BMP1: variants seen among roughly 807,000 people sequenced by gnomAD.
BMP1 encodes the protein mammalian tolloid protein.
Under a neutral mutation model 116.8 loss-of-function variants are expected in BMP1, and 63 were observed. The ratio of observed to expected loss-of-function variants is 0.54; its 90% confidence interval spans 0.44 to 0.67. The LOEUF is 0.67. BMP1 is among the 30% of genes least tolerant of loss of function. The pLI is 0.00. For synonymous variants in BMP1, 536 were observed against 533.4 expected, an observed-to-expected ratio of 1.00 and a Z score of -0.07; for missense variants, 1,183 against 1,358.9, an observed-to-expected ratio of 0.87 and a Z score of 2.04.
chr8:22,207,244 C>T (rs1829378610), intron 17 of BMP1, 59 bp from the exon 18 acceptor site: 1 of 1,554,730 alleles, frequency 6.4e-7, no homozygotes, highest in Non-Finnish European at 8.8e-7. Context: ...GGCCCTCATC[C>T]TTGCCCCACC....
rs1246308187 is a variant in BMP1, at chr8:22,179,398, G to C, written c.837-307G>C. On this transcript the variant is annotated intron_variant, in intron 6 of 19. Transcript: ENST00000306385. The surrounding 1 kb of genome is among the most constrained non-coding windows in gnomAD (Gnocchi z 4.6). ...GGGGCCTGTAGCTTTCCTGGGGCTG[G>C]GAGTTGTGGCCAGCCTGAGCTGGGA... Among the ~76,000 whole-genome samples the C allele has an allele frequency of 1.3e-5, 2 of 152,200 alleles. No individual in the cohort carries two copies. The highest frequency in any genetic ancestry group is 2.9e-5 in the Non-Finnish European group (2 of 68,030).
In BMP1 at chr8:22,187,328, A is replaced by ATTT. The variant is rs1301858228; in HGVS notation, c.1078-4721_1078-4720insTTT. Among the ~76,000 whole-genome samples the ATTT allele has an allele frequency of 7.7e-3, 1,122 of 146,004 alleles. 12 individuals carry two copies. Among genetic ancestry groups the ATTT allele is most frequent in the Middle Eastern group, 0.052 (15 of 290 alleles). ...TTTTATTTATTTTAATTAATTAATT[A>ATTT]ATTTATTTATTTATTTATTTTGAGA... On this transcript the variant is annotated intron_variant, in intron 8 of 19. Coordinates refer to ENST00000306385, the MANE Select transcript of BMP1 (RefSeq NM_006129.5).
chr8:22,173,635 A>G lies in BMP1; in HGVS notation c.182A>G (p.Glu61Gly), dbSNP rs1246352327. 6.2e-7 allele frequency: 1 copy of G among 1,613,424 alleles called. No homozygotes were observed. Among genetic ancestry groups the G allele is most frequent in the African/African-American group, 1.3e-5 (1 of 74,994 alleles). Reference sequence around the variant, plus strand: ...CTTGGGGACATTGCCCTGGACGAAGAGGACCTGAGGGCCTTCCAGGTACAG... The same window carrying G: ...CTTGGGGACATTGCCCTGGACGAAGGGGACCTGAGGGCCTTCCAGGTACAG... ...AFLGDIALDE[E>G]DLRAFQVQQA... is the part of the protein sequence containing the mutation. Residue 61 changes from glutamate to glycine, a missense_variant, in exon 2 of 20, where the codon GAG becomes GGG. Physicochemically the swap from Glu to Gly is moderately conservative, Grantham distance 98 (BLOSUM62 -2). Transcript: ENST00000306385.
intron 18 of BMP1, among the ~76,000 whole-genome samples, chr8:22,207,989 T>C (rs549482264): frequency 6.6e-6 from 1 of 152,300 alleles, no homozygotes; most frequent in East Asian, 1.9e-4. Flanking sequence ...GTTCAAGCGA[T>C]TCCCCTGCCT....
At chr8:22,168,220 T>C (rs768140954) in intron 1 of BMP1, among the ~76,000 whole-genome samples, 1 of 152,174 alleles carries the variant, frequency 6.6e-6, no homozygotes, top group African/African-American at 2.4e-5. Flanking sequence ...CAGGCTGGTC[T>C]GTTTGTGTGC....
rs112001602 is a variant in BMP1 at position 22,192,012 on chromosome 8, G to A, written c.1078-37G>A. 8.2e-4 allele frequency: 1,276 copies of A among 1,560,840 alleles called. 10 individuals are homozygous for A. The African/African-American group carries it at 0.01, about 13-fold the overall frequency. ...CTGGCAGAGGGCTGGTGCAATGTTC[G>A]GGACAGCTTAACCCTCTTCCTCCCC... On this transcript the variant is annotated intron_variant, in intron 8 of 19. Coordinates refer to ENST00000306385, the MANE Select transcript of BMP1 (RefSeq NM_006129.5).
chr8:22,188,282 C>T (rs1828835263), intron 8 of BMP1, among the ~76,000 whole-genome samples: 1 of 151,724 alleles, frequency 6.6e-6, no homozygotes, highest in African/African-American at 2.4e-5. Context: ...GATCCTCCCA[C>T]CTCCATCTCC....
chr8:22,180,897 T>C (rs1010374137), intron 8 of BMP1, among the ~76,000 whole-genome samples: 1 of 152,176 alleles, frequency 6.6e-6, no homozygotes, highest in African/African-American at 2.4e-5. Flanking sequence ...CTGGAGCTCT[T>C]CTCAGGTCTG....
chr8:22,177,025 G>T lies in BMP1; in HGVS notation c.616G>T (p.Asp206Tyr). 6.2e-7 allele frequency: 1 copy of T among 1,613,010 alleles called. No individual in the cohort carries two copies. Among genetic ancestry groups the T allele is most frequent in the Non-Finnish European group, 8.5e-7 (1 of 1,179,652 alleles). ...GGCCATCTCCATCGGCAAGAACTGT[G>T]ACAAGTTCGGCATTGTGGTCCACGA... is the stretch of plus-strand genomic sequence containing the variant. ...PQAISIGKNC[D>Y]KFGIVVHELG... The change falls in exon 5 of 20, where the codon GAC (aspartate) becomes TAC (tyrosine). Residue 206 changes from aspartate to tyrosine, a missense_variant. Physicochemically the swap from Asp to Tyr is radical, Grantham distance 160. Around this residue, in one of 4 missense-constraint regions of BMP1, gnomAD observed 956 missense variants for 1,135.2 expected, o/e 0.84. Transcript: ENST00000306385.
At chr8:22,201,284 A>G in intron 15 of BMP1, 2 of 1,529,198 alleles carry the variant, frequency 1.3e-6, no homozygotes, top group East Asian at 2.3e-5. Context: ...GGTGCCCACC[A>G]ACCCCCCACC....
intron 1 of BMP1, 137 bp downstream of exon 1, chr8:22,165,690 CGAGGGGGAGAGG>C: frequency 1.2e-6 from 1 of 815,088 alleles, no homozygotes; most frequent in Non-Finnish European, 1.7e-6. Context: ...AACAAAAGAA[CGAGGGGGAGAGG>C]GAGGGGGATT....
At chr8:22,189,126 C>T (rs868721895) in intron 8 of BMP1, among the ~76,000 whole-genome samples, 4 of 152,176 alleles carry the variant, frequency 2.6e-5, no homozygotes, top group African/African-American at 7.2e-5. Flanking sequence ...GACCCTCCTC[C>T]GGATCCCATT....
chr8:22,196,691 G>A lies in BMP1; in HGVS notation c.1777G>A (p.Gly593Arg), dbSNP rs1373586314. Residue 593 changes from glycine to arginine, a missense_variant, in exon 14 of 20, where the codon GGA (glycine) becomes AGA (arginine). Physicochemically the swap from Gly to Arg is moderately radical, Grantham distance 125 (BLOSUM62 -2). Coordinates refer to ENST00000306385, the MANE Select transcript of BMP1 (RefSeq NM_006129.5). ...DKRRCEAACG[G>R]FLTKLNGSIT... Reference sequence around the variant, plus strand: ...CCTTGTCCCCGCAGCTGCTTGTGGCGGATTCCTCACCAAGCTCAACGGCTC... The same window carrying A: ...CCTTGTCCCCGCAGCTGCTTGTGGCAGATTCCTCACCAAGCTCAACGGCTC... 18 of 1,613,910 alleles carry A rather than the reference G, an allele frequency of 1.1e-5. No individual in the cohort carries two copies. The highest frequency in any genetic ancestry group is 1.3e-5 in the African/African-American group (1 of 74,882).
At position 22,212,080 on chromosome 8, in the gene BMP1, G is replaced by A. The variant is rs1328299726; in HGVS notation, c.*352G>A. The A allele has an allele frequency of 1.6e-5, 4 of 255,722 alleles. No individual in the cohort carries two copies. The highest frequency in any genetic ancestry group is 2.3e-5 in the Non-Finnish European group (3 of 130,110). The allele number at this position is 255,722 out of a possible 1,614,324, so 15.8% of individuals were successfully genotyped here. On this transcript the variant is annotated 3_prime_UTR_variant, in exon 20 of 20. Transcript: ENST00000306385. ...CTACACGCTGTATTGTGTATCACCG[G>A]GGGCATTATTTTCATTGTAATGTTC...
chr8:22,211,762 G>C lies in BMP1; in HGVS notation c.*34G>C. ...TGAGCAGGGGCGGGGACTGGAGCCTGCTGCCCTTGGTCGCCTAGACTGGAT... is the reference window on the plus strand; with the variant it reads ...TGAGCAGGGGCGGGGACTGGAGCCTCCTGCCCTTGGTCGCCTAGACTGGAT... On this transcript the variant is annotated 3_prime_UTR_variant, in exon 20 of 20. Transcript: ENST00000306385. The C allele has an allele frequency of 6.2e-7, 1 of 1,613,782 alleles. No homozygotes were observed. The highest frequency in any genetic ancestry group is 2.2e-5 in the East Asian group (1 of 44,884).
At chr8:22,172,607 CTT>C (rs368585884) in intron 1 of BMP1, among the ~76,000 whole-genome samples, 3,759 of 97,016 alleles carry the variant, frequency 0.039, 33 homozygotes, top group Admixed American at 0.063. Context: ...TTTATTTCCT[CTT>C]TTTTTTTTTT....
At chr8:22,206,138 A>G (rs1017757686) in intron 16 of BMP1, among the ~76,000 whole-genome samples, 4 of 151,890 alleles carry the variant, frequency 2.6e-5, no homozygotes, top group Admixed American at 6.6e-5. Flanking sequence ...AGGCCTAGGC[A>G]GGTGGATCAC....
At chr8:22,210,468 T>TCTCTCTCACACA (rs10664439) in intron 19 of BMP1, among the ~76,000 whole-genome samples, 4 of 135,568 alleles carry the variant, frequency 3.0e-5, no homozygotes, top group African/African-American at 5.9e-5. Flanking sequence ...TCTCTCTCTC[T>TCTCTCTCACACA]CACACACATA....
At chr8:22,186,983 A>C (rs1006908246) in intron 8 of BMP1, among the ~76,000 whole-genome samples, 3 of 151,904 alleles carry the variant, frequency 2.0e-5, no homozygotes, top group Non-Finnish European at 4.4e-5. Context: ...CTATATTCCT[A>C]ATCTTTTAAT....
Sources: gnomAD v4.1 joint callset for allele counts (sites outside exome capture counted in the v4.1 genomes callset) on GRCh38, gnomAD v4.1.1 for gene constraint, gnomAD v4.1.1 regional missense constraint, Gnocchi (gnomAD v3.1) non-coding constraint, MANE v1.5 for transcripts, NCBI Gene and HGNC (gene_info 2026-07-23, HGNC 2026-07-21) for gene names.